MALRD1: variants seen among roughly 807,000 people sequenced by gnomAD.
The protein encoded by MALRD1 is MAM and LDL-receptor class A domain-containing protein 1.
In MALRD1, 247 loss-of-function variants were observed where a neutral mutation model predicts 242.1. That is an observed-to-expected ratio of 1.02 (90% CI 0.92 to 1.13). The LOEUF (loss-of-function observed/expected upper bound fraction) is 1.13, where lower values mean the gene tolerates loss of function less well. MALRD1 is among the 50% of genes most tolerant of loss of function. The probability of loss-of-function intolerance (pLI) is 0.00; values close to 1 mark genes in which losing one functional copy is unlikely to be tolerated. For synonymous variants in MALRD1, 995 were observed against 866.6 expected, an observed-to-expected ratio of 1.15 and a Z score of -2.60; for missense variants, 2,989 against 2,533.1, an observed-to-expected ratio of 1.18 and a Z score of -3.86.
At position 19,146,330 on chromosome 10, in the gene MALRD1, C is replaced by T; in HGVS notation, c.1544C>T (p.Ala515Val). 8.1e-7 allele frequency: 1 copy of T among 1,231,382 alleles called. No homozygotes were observed. The highest frequency in any genetic ancestry group is 1.0e-6 in the Non-Finnish European group (1 of 987,764). 76.3% of individuals were successfully genotyped at this position (1,231,382 alleles called of 1,614,324 possible). ...CACTTTCCTGCAGCTGATCACACAGCAAACATAAATCATGGTAGGACATTT... is the reference window on the plus strand; with the variant it reads ...CACTTTCCTGCAGCTGATCACACAGTAAACATAAATCATGGTAGGACATTT... ...EHHFPAADHT[A>V]NINHGSFIYL... is the part of the protein sequence containing the mutation. Residue 515 changes from alanine to valine, a missense_variant, in exon 11 of 40, where the codon GCA becomes GTA. By Grantham distance (64) the Ala-to-Val change is moderately conservative (BLOSUM62 0). Coordinates refer to ENST00000454679, the MANE Select transcript of MALRD1 (RefSeq NM_001142308.3).
At chr10:19,367,679 C>CT (rs1688675691) in intron 26 of MALRD1, among the ~76,000 whole-genome samples, 1 of 152,074 alleles carries the variant, frequency 6.6e-6, no homozygotes, top group African/African-American at 2.4e-5. Context: ...TTTGAGAAAC[C>CT]TCCATACTGT....
At chr10:19,258,717 C>T (rs1260384160) in intron 19 of MALRD1, among the ~76,000 whole-genome samples, 1 of 152,128 alleles carries the variant, frequency 6.6e-6, no homozygotes, top group Non-Finnish European at 1.5e-5. Context: ...GGTGTTACCA[C>T]TGTGTGTCAT....
Position 19,485,285 on chromosome 10 carries a change from A to G in MALRD1, c.5030-6232A>G, listed in dbSNP as rs151099174. ...GTAAAAGCCTAGACTTTATCGCTGT[A>G]CAATTCATCATATAACCAAAACCAT... On this transcript the variant is annotated intron_variant, in intron 29 of 39. Transcript: ENST00000454679. Among the ~76,000 whole-genome samples the G allele has an allele frequency of 2.6e-3, 391 of 152,322 alleles. 2 individuals are homozygous for G. Among genetic ancestry groups the G allele is most frequent in the Middle Eastern group, 6.8e-3 (2 of 294 alleles).
intron 18 of MALRD1, among the ~76,000 whole-genome samples, chr10:19,218,472 T>C (rs1276930242): frequency 1.3e-5 from 2 of 152,180 alleles, no homozygotes; most frequent in Non-Finnish European, 2.9e-5. Flanking sequence ...ATACTTGCAC[T>C]TAAGTCCTTC....
At chr10:19,526,755 A>G (rs1589197120) in intron 31 of MALRD1, among the ~76,000 whole-genome samples, 1 of 152,196 alleles carries the variant, frequency 6.6e-6, no homozygotes, top group East Asian at 1.9e-4. Context: ...AATATGCTGC[A>G]GCGAAATAGT....
At chr10:19,293,423 A>C (rs1266327772) in intron 21 of MALRD1, among the ~76,000 whole-genome samples, 1 of 152,228 alleles carries the variant, frequency 6.6e-6, no homozygotes, top group Non-Finnish European at 1.5e-5. Context: ...CACACAAAAC[A>C]ATGTCCTTAT....
intron 31 of MALRD1, among the ~76,000 whole-genome samples, chr10:19,514,382 T>TA (rs753401873): frequency 1.1e-4 from 17 of 152,270 alleles, no homozygotes; most frequent in Non-Finnish European, 2.4e-4. Flanking sequence ...TTTAACATGT[T>TA]AGATAAGCCT....
At chr10:19,518,654 T>C (rs1456201728) in intron 31 of MALRD1, among the ~76,000 whole-genome samples, 1 of 150,654 alleles carries the variant, frequency 6.6e-6, no homozygotes, top group Non-Finnish European at 1.5e-5. Context: ...TTTCAGGTAA[T>C]GGTGTGAACA....
At chr10:19,637,748 A>T (rs915594313) in intron 36 of MALRD1, among the ~76,000 whole-genome samples, 8 of 152,060 alleles carry the variant, frequency 5.3e-5, no homozygotes, top group African/African-American at 1.9e-4. Flanking sequence ...CCAGTTTGAG[A>T]TCACTTCCTT....
intron 31 of MALRD1, among the ~76,000 whole-genome samples, chr10:19,509,469 A>C (rs1251465325): frequency 6.6e-6 from 1 of 152,126 alleles, no homozygotes; most frequent in Non-Finnish European, 1.5e-5. Context: ...TACAAAGAAG[A>C]CTTCAGGGTA....
intron 33 of MALRD1, among the ~76,000 whole-genome samples, chr10:19,580,353 T>C (rs1217313205): frequency 6.6e-6 from 1 of 152,124 alleles, no homozygotes; most frequent in East Asian, 1.9e-4. Context: ...TAAGACGTTC[T>C]GTTTCTTCAG....
chr10:19,202,027 G>A (rs564448944), intron 14 of MALRD1, among the ~76,000 whole-genome samples: 13 of 152,142 alleles, frequency 8.5e-5, no homozygotes, highest in African/African-American at 3.1e-4. Flanking sequence ...TATTGGCCAG[G>A]ATGGTCTCGA....
chr10:19,596,684 T>C (rs1170706477), intron 34 of MALRD1, among the ~76,000 whole-genome samples: 1 of 151,738 alleles, frequency 6.6e-6, no homozygotes. Flanking sequence ...TGAACTATGA[T>C]TGTGCCACTG....
intron 9 of MALRD1, among the ~76,000 whole-genome samples, chr10:19,134,370 A>G (rs1054037427): frequency 2.0e-5 from 3 of 152,270 alleles, no homozygotes; most frequent in Non-Finnish European, 2.9e-5. Flanking sequence ...CATATGAAAC[A>G]TACATAGGCT....
chr10:19,487,050 C>T (rs889149975), intron 29 of MALRD1, among the ~76,000 whole-genome samples: 1 of 152,014 alleles, frequency 6.6e-6, no homozygotes, highest in Non-Finnish European at 1.5e-5. Flanking sequence ...CTCTGTTTGT[C>T]AGTCTTTTAC....
chr10:19,184,152 AG>A (rs767958446), intron 14 of MALRD1, among the ~76,000 whole-genome samples: 11 of 152,208 alleles, frequency 7.2e-5, no homozygotes, highest in Non-Finnish European at 1.5e-4. Context: ...GTTCAATGCC[AG>A]GGTGGATTTT....
intron 26 of MALRD1, among the ~76,000 whole-genome samples, chr10:19,356,996 CT>C (rs1322040475): frequency 6.6e-6 from 1 of 151,842 alleles, no homozygotes; most frequent in Non-Finnish European, 1.5e-5. Context: ...GTAATTCCAG[CT>C]ACCTGGGAGG....
intron 21 of MALRD1, among the ~76,000 whole-genome samples, chr10:19,313,811 T>C (rs936125882): frequency 6.6e-6 from 1 of 151,550 alleles, no homozygotes; most frequent in Non-Finnish European, 1.5e-5. Flanking sequence ...TCATACAATA[T>C]TGAAACAGGA....
At chr10:19,681,952 A>G (rs1842390562) in intron 36 of MALRD1, among the ~76,000 whole-genome samples, 1 of 149,398 alleles carries the variant, frequency 6.7e-6, no homozygotes, top group Non-Finnish European at 1.5e-5. Context: ...GTCTCCCCAC[A>G]TTAGCTGTAG....
Sources: allele counts gnomAD v4.1 joint callset (sites outside exome capture counted in the v4.1 genomes callset), GRCh38; gene constraint gnomAD v4.1.1; transcripts MANE v1.5; gene names NCBI Gene and HGNC (gene_info 2026-07-23, HGNC 2026-07-21).